The following LARS2 variants were observed in gnomAD, a reference collection of about 807,000 sequenced individuals.
LARS2 encodes the protein leucyl-tRNA synthetase 2, mitochondrial, also known as leucine--tRNA ligase, mitochondrial.
In LARS2, 81 loss-of-function variants were observed where a neutral mutation model predicts 116.6. That is an observed-to-expected ratio of 0.69 (90% CI 0.58 to 0.84). The LOEUF is 0.84. LARS2 is among the 40% of genes least tolerant of loss of function. The pLI is 0.00. For missense variants in LARS2, 968 were observed against 1,114.5 expected (o/e 0.87, Z 1.87); for synonymous variants, 396 against 407.2 (o/e 0.97, Z 0.33).
chr3:45,496,205 T>C, intron 13 of LARS2, 70 bp from the exon 14 acceptor site: 1 of 1,227,884 alleles, frequency 8.1e-7, no homozygotes, highest in Admixed American at 1.7e-5. Context: ...TATAGCTCTC[T>C]CAAAAGCTGA....
chr3:45,484,682 A>T (rs1255058216), intron 10 of LARS2, among the ~76,000 whole-genome samples: 1 of 130,242 alleles, frequency 7.7e-6, no homozygotes, highest in Non-Finnish European at 1.6e-5. Flanking sequence ...TAACAATACA[A>T]TGTAATAGAA....
rs267267 is a variant in LARS2, at chr3:45,548,210, T to C, written c.*680T>C. Reference sequence around the variant, plus strand: ...CCTGTCCTCCCCAACCCCAGCTGGATGTGCCTCCCAGGCCTGCTGTGGTTC... The same window carrying C: ...CCTGTCCTCCCCAACCCCAGCTGGACGTGCCTCCCAGGCCTGCTGTGGTTC... On this transcript the variant is annotated 3_prime_UTR_variant, in exon 22 of 22. Transcript: ENST00000645846. 0.9 allele frequency: 136,927 copies of C among 152,314 alleles called. 63,363 individuals are homozygous for C. Among genetic ancestry groups the C allele is most frequent in the East Asian group, 1 (5,188 of 5,188 alleles). The allele number at this position is 152,314 out of a possible 1,614,324, so 9.4% of individuals were successfully genotyped here. A position where few individuals can be genotyped will look rare whatever the true frequency, so the allele number is the denominator to read the frequency against.
intron 6 of LARS2, among the ~76,000 whole-genome samples, chr3:45,428,216 A>T (rs969554940): frequency 6.6e-6 from 1 of 150,628 alleles, no homozygotes; most frequent in Non-Finnish European, 1.5e-5. Flanking sequence ...TGTTCACATA[A>T]CAAAAATGTA....
chr3:45,498,797 T>G (rs928700152), intron 14 of LARS2, among the ~76,000 whole-genome samples: 10 of 152,230 alleles, frequency 6.6e-5, no homozygotes, highest in African/African-American at 2.4e-4. Context: ...GGAAATGACA[T>G]TTCCTTTCCT....
intron 5 of LARS2, 80 bp downstream of exon 5, chr3:45,417,653 A>G (rs1023052100): frequency 5.5e-5 from 47 of 862,004 alleles, no homozygotes; most frequent in Non-Finnish European, 8.7e-5. Flanking sequence ...TAAAAAATAG[A>G]AAGCAAAGCA....
At chr3:45,542,952 C>G (rs1700819692) in intron 21 of LARS2, among the ~76,000 whole-genome samples, 2 of 152,370 alleles carry the variant, frequency 1.3e-5, no homozygotes, top group South Asian at 2.1e-4. Flanking sequence ...ACAAACCCAC[C>G]TAGGGGCTGA....
chr3:45,462,833 A>T (rs1234599471), intron 8 of LARS2, among the ~76,000 whole-genome samples: 2 of 152,174 alleles, frequency 1.3e-5, no homozygotes, highest in African/African-American at 4.8e-5. Context: ...ACAGTGCCTG[A>T]TGTGAAAATT....
chr3:45,396,588 A>G (rs1304020657), intron 3 of LARS2, among the ~76,000 whole-genome samples: 1 of 152,256 alleles, frequency 6.6e-6, no homozygotes, highest in African/African-American at 2.4e-5. Flanking sequence ...ATCCACTCAC[A>G]TAAGTTTTTT....
chr3:45,463,211 C>T (rs1699362935), intron 8 of LARS2, among the ~76,000 whole-genome samples: 1 of 152,154 alleles, frequency 6.6e-6, no homozygotes, highest in African/African-American at 2.4e-5. Flanking sequence ...AGAAGGCCTC[C>T]CATTTGAATT....
At chr3:45,408,072 C>T (rs185573812) in intron 4 of LARS2, among the ~76,000 whole-genome samples, 47 of 152,282 alleles carry the variant, frequency 3.1e-4, no homozygotes, top group African/African-American at 1.1e-3. Context: ...TACATAAGGC[C>T]CCCCCGTCCC....
chr3:45,431,320 C>T (rs1229753831), intron 6 of LARS2, among the ~76,000 whole-genome samples: 1 of 152,150 alleles, frequency 6.6e-6, no homozygotes, highest in Non-Finnish European at 1.5e-5. Flanking sequence ...TGTACCTCTA[C>T]TTTTTGTTTT....
At chr3:45,433,064 C>T (rs1318777406) in intron 6 of LARS2, among the ~76,000 whole-genome samples, 1 of 152,006 alleles carries the variant, frequency 6.6e-6, no homozygotes, top group Non-Finnish European at 1.5e-5. Context: ...CTTACTTCAT[C>T]TTACATTAAT....
Position 45,400,297 on chromosome 3 carries a change from A to G in LARS2, c.287A>G (p.Lys96Arg), listed in dbSNP as rs1455253525. The change falls in exon 4 of 22, where the codon AAG becomes AGG. Residue 96 changes from lysine (K) to arginine (R), a missense_variant. Lys to Arg is a conservative substitution (Grantham distance 26, BLOSUM62 2). Transcript: ENST00000645846. ...VLSMFPYPSGKLHMGHVRVYT... is the reference protein window; with the variant it reads ...VLSMFPYPSGRLHMGHVRVYT... ...TCCATGTTCCCTTATCCTTCTGGTA[A>G]GCTGCACATGGGCCATGTGCGTGTC... 2 of 1,613,890 alleles carry G rather than the reference A, an allele frequency of 1.2e-6. No individual in the cohort carries two copies. Among genetic ancestry groups the G allele is most frequent in the Non-Finnish European group, 1.7e-6 (2 of 1,179,946 alleles).
At chr3:45,392,952 T>C (rs1474755666) in intron 2 of LARS2, among the ~76,000 whole-genome samples, 1 of 152,238 alleles carries the variant, frequency 6.6e-6, no homozygotes, top group Non-Finnish European at 1.5e-5. Flanking sequence ...AATGCTGTTA[T>C]GCCAGAAGGA....
At chr3:45,527,623 C>CA (rs560212104) in intron 20 of LARS2, among the ~76,000 whole-genome samples, 2,153 of 121,218 alleles carry the variant, frequency 0.018, 26 homozygotes, top group African/African-American at 0.058. Flanking sequence ...GACTCCGTCT[C>CA]AAAAAAAAAA....
Position 45,516,259 on chromosome 3 carries a change from T to C in LARS2, c.2027T>C (p.Ile676Thr), listed in dbSNP as rs757200777. Residue 676 changes from isoleucine (I) to threonine (T), a missense_variant, in exon 17 of 22, where the codon ATC becomes ACC. Ile to Thr is a moderately conservative substitution (Grantham distance 89). Transcript: ENST00000645846. ...ILFAAPPEKD[I>T]LWDVKTDALP... ...TTTGCTGCCCCTCCTGAGAAGGATATCTTGTGGGATGTGAAAAGTAAGTCA... is the reference window on the plus strand; with the variant it reads ...TTTGCTGCCCCTCCTGAGAAGGATACCTTGTGGGATGTGAAAAGTAAGTCA... The C allele has an allele frequency of 6.2e-7, 1 of 1,613,570 alleles. No individual in the cohort carries two copies. Among genetic ancestry groups the C allele is most frequent in the East Asian group, 2.2e-5 (1 of 44,888 alleles).
intron 4 of LARS2, among the ~76,000 whole-genome samples, chr3:45,407,555 C>T (rs760468224): frequency 3.9e-5 from 6 of 152,112 alleles, no homozygotes; most frequent in Non-Finnish European, 5.9e-5. Flanking sequence ...TGATTTTTAT[C>T]CCCAATCTGT....
At chr3:45,479,980 A>G (rs908138232) in intron 10 of LARS2, among the ~76,000 whole-genome samples, 5 of 152,166 alleles carry the variant, frequency 3.3e-5, no homozygotes, top group African/African-American at 7.2e-5. Flanking sequence ...CACATTAGAG[A>G]GCAAGAGCCT....
chr3:45,427,977 A>G (rs1698624939), intron 6 of LARS2, among the ~76,000 whole-genome samples: 1 of 151,754 alleles, frequency 6.6e-6, no homozygotes, highest in South Asian at 2.1e-4. Context: ...GTGTACCACC[A>G]CACCCAGCTA....
Sources: gnomAD v4.1 joint callset for allele counts (sites outside exome capture counted in the v4.1 genomes callset) on GRCh38, gnomAD v4.1.1 for gene constraint, MANE v1.5 for transcripts, NCBI Gene and HGNC (gene_info 2026-07-23, HGNC 2026-07-21) for gene names.